Variants in VSIG10 observed in about 807,000 individuals in gnomAD.
The protein encoded by VSIG10 is V-set and immunoglobulin domain containing 10.
VSIG10 carries 48 observed loss-of-function variants against 58.7 expected under a neutral mutation model. The ratio of observed to expected loss-of-function variants is 0.82; its 90% CI spans 0.65 to 1.04. The LOEUF (loss-of-function observed/expected upper bound fraction) is 1.04. Among genes scored for constraint, VSIG10 ranks in the 50% least tolerant of loss-of-function variants. VSIG10 has a pLI of 0.00. For synonymous variants in VSIG10, 260 were observed against 267.1 expected, an observed-to-expected ratio of 0.97 and a Z score of 0.26; for missense variants, 628 against 670.0, an observed-to-expected ratio of 0.94 and a Z score of 0.69.
In VSIG10 at chr12:118,064,373, G is replaced by A. The variant is rs140669843; in HGVS notation, c.*2266C>T. Reference sequence around the variant, plus strand: ...CCTATCAACAGATGTGTGTGCTAGAGAAGAGGAAGTTGTGGAAAATATCCC... The same window carrying A: ...CCTATCAACAGATGTGTGTGCTAGAAAAGAGGAAGTTGTGGAAAATATCCC... On this transcript the variant is annotated 3_prime_UTR_variant, in exon 9 of 9. Transcript: ENST00000359236. 2.6e-5 allele frequency: 4 copies of A among 151,308 alleles called. No homozygotes were observed. In the East Asian group the frequency reaches 5.8e-4, roughly 22 times the overall value. The allele number at this position is 151,308 out of a possible 1,614,324, so 9.4% of individuals were successfully genotyped here.
intron 1 of VSIG10, among the ~76,000 whole-genome samples, chr12:118,100,102 G>A (rs922332329): frequency 7.2e-5 from 11 of 152,244 alleles, no homozygotes; most frequent in African/African-American, 2.2e-4. Flanking sequence ...GGGGGCGGTG[G>A]CTCACGCCTG....
intron 6 of VSIG10, 110 bp downstream of exon 6, chr12:118,071,249 A>C: frequency 1.6e-6 from 2 of 1,260,028 alleles, no homozygotes; most frequent in Non-Finnish European, 2.3e-6. Context: ...CCCAGCAAAG[A>C]AGCCCAGAGA....
At chr12:118,097,298 A>T (rs140710197) in intron 1 of VSIG10, among the ~76,000 whole-genome samples, 6 of 152,112 alleles carry the variant, frequency 3.9e-5, no homozygotes, top group African/African-American at 1.4e-4. Flanking sequence ...TTTGTCTATA[A>T]TCACTACAGA....
chr12:118,077,580 C>T (rs1167051329), intron 4 of VSIG10, among the ~76,000 whole-genome samples: 1 of 152,122 alleles, frequency 6.6e-6, no homozygotes, highest in East Asian at 1.9e-4. Flanking sequence ...CCTAATTCTT[C>T]CCAGCCCTCT....
intron 7 of VSIG10, 109 bp from the exon 8 acceptor site, chr12:118,068,706 A>G: frequency 7.6e-7 from 1 of 1,321,324 alleles, no homozygotes. Flanking sequence ...AGTAATATGG[A>G]AAATTACAGC....
chr12:118,080,086 A>G (rs1179268615), intron 3 of VSIG10, among the ~76,000 whole-genome samples: 3 of 152,088 alleles, frequency 2.0e-5, no homozygotes, highest in South Asian at 4.1e-4. Flanking sequence ...CACCTGCCTC[A>G]GCCTTCCAAA....
intron 2 of VSIG10, among the ~76,000 whole-genome samples, chr12:118,088,117 C>T (rs1167898203): frequency 2.0e-5 from 3 of 151,552 alleles, no homozygotes; most frequent in Non-Finnish European, 4.4e-5. Context: ...TGGTGGCGCA[C>T]GCCTGTAATC....
Position 118,082,365 on chromosome 12 carries a change from G to A in VSIG10, c.426C>T (p.Tyr142=), listed in dbSNP as rs7488309. 0.41 allele frequency: 668,800 copies of A among 1,613,648 alleles called. 142,310 individuals carry two copies. Among genetic ancestry groups the A allele is most frequent in the Admixed American group, 0.63 (37,872 of 59,978 alleles). Reference sequence around the variant, plus strand: ...AGTCCACCTGGGAGCCCCTGGCTGCGTAGAGGGTGCCGTTGGGGAGTGTGC... The same window carrying A: ...AGTCCACCTGGGAGCCCCTGGCTGCATAGAGGGTGCCGTTGGGGAGTGTGC... ...ATGTLPNGTL[Y]AARGSQVDFS... The change falls in exon 3 of 9, where the codon TAC becomes TAT. Residue 142 remains tyrosine (Y), a synonymous_variant. Coordinates refer to ENST00000359236, the MANE Select transcript of VSIG10 (RefSeq NM_019086.6).
intron 4 of VSIG10, among the ~76,000 whole-genome samples, chr12:118,078,003 T>C (rs2137881545): frequency 6.6e-6 from 1 of 152,298 alleles, no homozygotes; most frequent in East Asian, 1.9e-4. Flanking sequence ...GAGAGTAATT[T>C]GTTACATAAC....
intron 2 of VSIG10, among the ~76,000 whole-genome samples, chr12:118,090,824 A>G (rs947913483): frequency 2.6e-5 from 4 of 151,840 alleles, no homozygotes; most frequent in Admixed American, 6.6e-5. Flanking sequence ...AGCCCTACTT[A>G]CCAATCAGTT....
Position 118,095,581 on chromosome 12 carries a change from C to T in VSIG10, c.313G>A (p.Glu105Lys), listed in dbSNP as rs1401567366. The T allele has an allele frequency of 4.3e-6, 7 of 1,613,834 alleles. No homozygotes were observed. Among genetic ancestry groups the T allele is most frequent in the Non-Finnish European group, 5.9e-6 (7 of 1,179,894 alleles). ...LGDEGIYTCQ[E>K]ILNVTQWFQV... ...AACCACTGAGTCACATTCAGGATCT[C>T]CTGGCAGGTGTAGATTCCCTCATCT... Residue 105 changes from glutamate (E) to lysine (K), a missense_variant, in exon 2 of 9, where the codon GAG becomes AAG. Glu to Lys is a moderately conservative substitution (Grantham distance 56). Transcript: ENST00000359236.
intron 7 of VSIG10, among the ~76,000 whole-genome samples, chr12:118,069,422 C>CT (rs1227167306): frequency 0.16 from 17,652 of 110,358 alleles, 2,418 homozygotes; most frequent in African/African-American, 0.34. Context: ...TCTTCTTCTT[C>CT]TTCTTTTTTT....
intron 4 of VSIG10, among the ~76,000 whole-genome samples, chr12:118,074,974 A>G (rs1402193934): frequency 6.6e-6 from 1 of 152,010 alleles, no homozygotes; most frequent in African/African-American, 2.4e-5. Context: ...TTATGACAGT[A>G]TATTGTTATA....
intron 1 of VSIG10, among the ~76,000 whole-genome samples, chr12:118,100,329 C>A (rs936961211): frequency 6.6e-6 from 1 of 151,798 alleles, no homozygotes; most frequent in Non-Finnish European, 1.5e-5. Flanking sequence ...AACCCCGTTT[C>A]TACTAAAAAT....
At chr12:118,088,491 A>G (rs2033198767) in intron 2 of VSIG10, among the ~76,000 whole-genome samples, 3 of 152,216 alleles carry the variant, frequency 2.0e-5, no homozygotes, top group Non-Finnish European at 2.9e-5. Context: ...ACAGACAACA[A>G]CAGCTAATAG....
At chr12:118,099,706 T>C (rs1343582398) in intron 1 of VSIG10, among the ~76,000 whole-genome samples, 1 of 152,086 alleles carries the variant, frequency 6.6e-6, no homozygotes, top group Non-Finnish European at 1.5e-5. Flanking sequence ...TTAAAAAGGG[T>C]GAATTTTGTG....
rs10607174 is a variant in VSIG10 at position 118,070,547 on chromosome 12, CAAAAAAA to C, written c.1346+498_1346+504del. 5.0e-3 allele frequency among the ~76,000 whole-genome samples: 554 copies of C among 111,658 alleles called. 2 individuals are homozygous for C. The highest frequency in any genetic ancestry group is 0.013 in the Middle Eastern group (3 of 226). The allele number at this position is 111,658 out of a possible 152,430, so 73.3% of individuals were successfully genotyped here. On this transcript the variant is annotated intron_variant, in intron 7 of 8. Coordinates refer to ENST00000359236, the MANE Select transcript of VSIG10 (RefSeq NM_019086.6). ...TGAGCAAGAGAGAGAGATTCTGTCT[CAAAAAAA>C]AAAAAAAAAAGAAAAAAGAAAAAGA...
Position 118,078,966 on chromosome 12 carries a change from AAAT to A in VSIG10, c.925+377_925+379del, listed in dbSNP as rs1376831622. Among the ~76,000 whole-genome samples the A allele has an allele frequency of 4.1e-4, 17 of 41,530 alleles. 2 individuals carry two copies. Among genetic ancestry groups the A allele is most frequent in the Admixed American group, 6.0e-4 (2 of 3,346 alleles). The allele number at this position is 41,530 out of a possible 152,430, so 27.2% of individuals were successfully genotyped here. On this transcript the variant is annotated intron_variant, in intron 4 of 8. Transcript: ENST00000359236. ...AAAAAAAAAAAAAAAAAAAAAAAAAAAATTTTCTTTATAAACTACCCAGCCTCA... is the reference window on the plus strand; with the variant it reads ...AAAAAAAAAAAAAAAAAAAAAAAAAATTTCTTTATAAACTACCCAGCCTCA...
chr12:118,099,436 C>T (rs919596969), intron 1 of VSIG10, among the ~76,000 whole-genome samples: 5 of 152,008 alleles, frequency 3.3e-5, no homozygotes, highest in South Asian at 2.1e-4. Context: ...TGAGCTGCCA[C>T]GCCCAGCCAA....
Sources: gnomAD v4.1 joint callset for allele counts (sites outside exome capture counted in the v4.1 genomes callset) on GRCh38, gnomAD v4.1.1 for gene constraint, MANE v1.5 for transcripts, NCBI Gene and HGNC (gene_info 2026-07-23, HGNC 2026-07-21) for gene names.